The following ZFAND3 variants were observed in gnomAD, a reference collection of about 807,000 sequenced individuals.
ZFAND3 encodes the protein zinc finger AN1-type containing 3.
Under a neutral mutation model 29.6 loss-of-function variants are expected in ZFAND3, and 10 were observed. The observed-to-expected ratio is 0.34, with a 90% CI of 0.21 to 0.57. ZFAND3 has a LOEUF of 0.57. Ranked by LOEUF, ZFAND3 falls within the 20% of genes least tolerant of loss-of-function variation. ZFAND3 has a pLI of 0.86. For missense variants in ZFAND3, 230 were observed against 304.5 expected, an observed-to-expected ratio of 0.76 and a Z score of 1.82; for synonymous variants, 128 against 112.6, an observed-to-expected ratio of 1.14 and a Z score of -0.87.
At chr6:38,094,158 CA>C (rs1764926824) in intron 4 of ZFAND3, among the ~76,000 whole-genome samples, 1 of 151,382 alleles carries the variant, frequency 6.6e-6, no homozygotes, top group South Asian at 2.1e-4. Flanking sequence ...AAAATAATAC[CA>C]TAAGTTGTAA....
At chr6:37,952,158 A>G (rs1305759189) in intron 2 of ZFAND3, among the ~76,000 whole-genome samples, 1 of 152,028 alleles carries the variant, frequency 6.6e-6, no homozygotes, top group Non-Finnish European at 1.5e-5. Flanking sequence ...ATTGGTGTGA[A>G]CTTTCATTTT....
chr6:37,965,241 AC>A (rs1762272189), intron 2 of ZFAND3, among the ~76,000 whole-genome samples: 1 of 152,116 alleles, frequency 6.6e-6, no homozygotes, highest in African/African-American at 2.4e-5. Flanking sequence ...TTCTCTACTT[AC>A]TTTGTTTAGA....
At chr6:37,906,310 T>G (rs1765406022) in intron 1 of ZFAND3, among the ~76,000 whole-genome samples, 1 of 152,236 alleles carries the variant, frequency 6.6e-6, no homozygotes, top group South Asian at 2.1e-4. Flanking sequence ...GACTTTTCAC[T>G]GTATAATGTT....
chr6:37,858,555 T>A (rs1488010755), intron 1 of ZFAND3, among the ~76,000 whole-genome samples: 6 of 152,244 alleles, frequency 3.9e-5, no homozygotes, highest in African/African-American at 1.4e-4. Flanking sequence ...ATAAAACATT[T>A]ACTTTGCAAA....
chr6:38,030,051 G>GATATAT (rs58560520), intron 2 of ZFAND3, among the ~76,000 whole-genome samples: 56 of 94,936 alleles, frequency 5.9e-4, no homozygotes, highest in East Asian at 9.7e-4. Context: ...AGTTCTGCTG[G>GATATAT]ATATATATAT....
At chr6:37,852,202 TG>T (rs1174583193) in intron 1 of ZFAND3, among the ~76,000 whole-genome samples, 5 of 152,142 alleles carry the variant, frequency 3.3e-5, no homozygotes, top group Non-Finnish European at 5.9e-5. Context: ...TGGTTCTCCA[TG>T]GGGGTGAGGA....
intron 1 of ZFAND3, among the ~76,000 whole-genome samples, chr6:37,924,925 G>A (rs934340077): frequency 4.6e-5 from 7 of 152,056 alleles, no homozygotes; most frequent in Non-Finnish European, 7.4e-5. Flanking sequence ...TGATTTGGGG[G>A]TACAGGGAAC....
intron 1 of ZFAND3, among the ~76,000 whole-genome samples, chr6:37,908,726 T>G (rs1309694561): frequency 8.1e-6 from 1 of 123,870 alleles, no homozygotes; most frequent in African/African-American, 3.0e-5. Context: ...AATAAACAAG[T>G]AAACTTAATT....
chr6:38,009,218 A>G lies in ZFAND3; in HGVS notation c.113-52375A>G, dbSNP rs182245361. ...TAAAATTTAAAGAGAAAACTTTCTA[A>G]ACTTTTTCACTATGAGTGTGTGATC... is the stretch of plus-strand genomic sequence containing the variant. On this transcript the variant is annotated intron_variant, in intron 2 of 5. Transcript: ENST00000287218. 2.7e-3 allele frequency among the ~76,000 whole-genome samples: 416 copies of G among 152,322 alleles called. 1 individual carries two copies. Among genetic ancestry groups the G allele is most frequent in the Middle Eastern group, 6.8e-3 (2 of 294 alleles).
At chr6:38,009,511 ATC>A (rs1182855846) in intron 2 of ZFAND3, among the ~76,000 whole-genome samples, 1 of 152,208 alleles carries the variant, frequency 6.6e-6, no homozygotes, top group Non-Finnish European at 1.5e-5. Flanking sequence ...GATCTTCCAA[ATC>A]TCTCTTATAC....
chr6:37,949,354 T>C (rs1761957189), intron 2 of ZFAND3, among the ~76,000 whole-genome samples: 1 of 152,150 alleles, frequency 6.6e-6, no homozygotes, highest in Admixed American at 6.5e-5. Flanking sequence ...CTCTGTGTTT[T>C]TCCTCTACTC....
intron 5 of ZFAND3, among the ~76,000 whole-genome samples, chr6:38,126,489 T>A (rs988968528): frequency 6.6e-6 from 1 of 152,232 alleles, no homozygotes; most frequent in Non-Finnish European, 1.5e-5. Flanking sequence ...TTTCCAAGCT[T>A]ATATCATTTT....
chr6:38,102,006 C>G (rs376814336), intron 4 of ZFAND3, among the ~76,000 whole-genome samples: 1 of 152,038 alleles, frequency 6.6e-6, no homozygotes, highest in South Asian at 2.1e-4. Context: ...GGAGCATATC[C>G]CACAGGATGA....
At chr6:38,010,265 G>T (rs1030913672) in intron 2 of ZFAND3, among the ~76,000 whole-genome samples, 17 of 152,142 alleles carry the variant, frequency 1.1e-4, no homozygotes, top group African/African-American at 4.1e-4. Context: ...TTGGGATGTG[G>T]GAAGAGTACG....
intron 2 of ZFAND3, among the ~76,000 whole-genome samples, chr6:37,990,043 G>A (rs186336344): frequency 2.0e-3 from 308 of 152,272 alleles, no homozygotes; most frequent in African/African-American, 7.0e-3. Flanking sequence ...TACTGGTATA[G>A]CCCAGGACAG....
chr6:37,918,909 G>A (rs1026829206), intron 1 of ZFAND3, among the ~76,000 whole-genome samples: 2 of 149,348 alleles, frequency 1.3e-5, no homozygotes, highest in Non-Finnish European at 3.0e-5. Flanking sequence ...TGTACTAGAT[G>A]GTTGGGAAGT....
At chr6:38,049,335 A>G (rs1039246926) in intron 2 of ZFAND3, among the ~76,000 whole-genome samples, 1 of 152,218 alleles carries the variant, frequency 6.6e-6, no homozygotes, top group African/African-American at 2.4e-5. Context: ...GCACCGTTCT[A>G]AGACTTCCAC....
chr6:37,896,417 G>C (rs1408569851), intron 1 of ZFAND3, among the ~76,000 whole-genome samples: 2 of 151,412 alleles, frequency 1.3e-5, no homozygotes, highest in African/African-American at 4.9e-5. Flanking sequence ...ATTGTACCAT[G>C]GTATTTTATT....
At chr6:38,075,876 C>T (rs555750382) in intron 3 of ZFAND3, among the ~76,000 whole-genome samples, 100 of 152,186 alleles carry the variant, frequency 6.6e-4, no homozygotes, top group Non-Finnish European at 2.9e-4. Context: ...CTCAGCCTCC[C>T]GACTAGCTGA....
Sources: allele counts gnomAD v4.1 joint callset (sites outside exome capture counted in the v4.1 genomes callset), GRCh38; gene constraint gnomAD v4.1.1; transcripts MANE v1.5; gene names NCBI Gene and HGNC (gene_info 2026-07-23, HGNC 2026-07-21).